The following CORO7 variants were observed in gnomAD, a reference collection of about 807,000 sequenced individuals.
CORO7 encodes coronin 7, also known as coronin-7.
In CORO7, 107 loss-of-function variants were observed where a neutral mutation model predicts 126.6. The ratio of observed to expected loss-of-function variants is 0.85; its 90% CI spans 0.72 to 0.99. The LOEUF is 0.99. CORO7 is among the 50% of genes least tolerant of loss of function. CORO7 has a pLI of 0.00. For synonymous variants in CORO7, 603 were observed against 536.8 expected, an observed-to-expected ratio of 1.12 and a Z score of -1.70; for missense variants, 1,314 against 1,255.8, an observed-to-expected ratio of 1.05 and a Z score of -0.70.
At chr16:4,381,361 G>T (rs761371842) in intron 9 of CORO7, 2 of 1,596,922 alleles carry the variant, frequency 1.3e-6, no homozygotes, top group African/African-American at 2.7e-5. Flanking sequence ...CGAGCTGCGG[G>T]CACTGCCCCC....
At chr16:4,359,059 C>A (rs1024905622) in intron 23 of CORO7, 1 of 571,986 alleles carries the variant, frequency 1.7e-6, no homozygotes, top group Non-Finnish European at 3.0e-6. Context: ...TTCCAGGCCA[C>A]CGTACCCGGC....
chr16:4,372,212 G>A lies in CORO7; in HGVS notation c.786-6667C>T, dbSNP rs570713578. ...CGACAGCCCCGCGGCCGGCCAGGGTGCGCGCCTGAGTGTGCGGTGAGCCCG... is the reference window on the plus strand; with the variant it reads ...CGACAGCCCCGCGGCCGGCCAGGGTACGCGCCTGAGTGTGCGGTGAGCCCG... On this transcript the variant is annotated intron_variant, in intron 9 of 27. Transcript: ENST00000251166. Among the ~76,000 whole-genome samples, 15 of 152,250 alleles carry A rather than the reference G, an allele frequency of 9.9e-5. No individual in the cohort carries two copies. The East Asian group carries it at 2.9e-3, about 29-fold the overall frequency.
At chr16:4,374,588 CCTGGGCCCCGAGCCCGG>C (rs1206498585) in intron 9 of CORO7, among the ~76,000 whole-genome samples, 1 of 152,140 alleles carries the variant, frequency 6.6e-6, no homozygotes, top group Non-Finnish European at 1.5e-5. Context: ...CCCTGCTGGC[CCTGGGCCCCGAGCCCGG>C]CTGGGCATTG....
chr16:4,380,419 G>A (rs2054914556), intron 9 of CORO7, among the ~76,000 whole-genome samples: 1 of 152,278 alleles, frequency 6.6e-6, no homozygotes, highest in South Asian at 2.1e-4. Flanking sequence ...GGCAGCAGGA[G>A]CCGGCGGCCA....
At chr16:4,387,301 C>T (rs965334865) in intron 9 of CORO7, among the ~76,000 whole-genome samples, 6 of 152,088 alleles carry the variant, frequency 3.9e-5, no homozygotes, top group African/African-American at 1.4e-4. Flanking sequence ...AAGGCCATCT[C>T]GGCACACAGC....
chr16:4,395,996 T>TGTGTGTGTGCATGCACACGTGTGTGTGTG (rs55837244), intron 6 of CORO7, among the ~76,000 whole-genome samples: 1 of 151,112 alleles, frequency 6.6e-6, no homozygotes. Flanking sequence ...CATGCACACG[T>TGTGTGTGTGCATGCACACGTGTGTGTGTG]TGTGTGTGTG....
intron 1 of CORO7, among the ~76,000 whole-genome samples, chr16:4,415,311 C>T (rs1596348250): frequency 1.3e-5 from 2 of 152,298 alleles, no homozygotes; most frequent in Admixed American, 1.3e-4. Flanking sequence ...CATTTCTCCA[C>T]CAGGCTCTTT....
At chr16:4,397,763 G>A (rs1230138005) in intron 6 of CORO7, among the ~76,000 whole-genome samples, 5 of 151,940 alleles carry the variant, frequency 3.3e-5, no homozygotes, top group Admixed American at 1.3e-4. Flanking sequence ...ACAGGTGCAC[G>A]CCACCACGCC....
chr16:4,355,893 T>G (rs1015353426), intron 26 of CORO7, among the ~76,000 whole-genome samples: 8 of 152,222 alleles, frequency 5.3e-5, no homozygotes. Context: ...TTCTCCTGCC[T>G]CAGCCTCCCA....
chr16:4,356,086 T>C (rs2053968861), intron 26 of CORO7, among the ~76,000 whole-genome samples: 1 of 152,184 alleles, frequency 6.6e-6, no homozygotes, highest in Non-Finnish European at 1.5e-5. Context: ...CCCAAGTAGC[T>C]GGGATTACAG....
At chr16:4,377,702 C>A (rs970644076) in intron 9 of CORO7, among the ~76,000 whole-genome samples, 1 of 152,174 alleles carries the variant, frequency 6.6e-6, no homozygotes, top group Non-Finnish European at 1.5e-5. Context: ...CCTGGCGGTG[C>A]CCTCAGAGCT....
intron 1 of CORO7, among the ~76,000 whole-genome samples, chr16:4,413,748 G>C (rs2056302285): frequency 6.6e-6 from 1 of 151,630 alleles, no homozygotes; most frequent in South Asian, 2.1e-4. Context: ...ATGTTGGCCA[G>C]GCTGGTCTCG....
chr16:4,402,546 C>T (rs1485967811), intron 6 of CORO7, among the ~76,000 whole-genome samples: 1 of 152,202 alleles, frequency 6.6e-6, no homozygotes, highest in Non-Finnish European at 1.5e-5. Flanking sequence ...CGACCGGCCA[C>T]CCGCCCAGCC....
At chr16:4,377,658 G>A (rs921446868) in intron 9 of CORO7, among the ~76,000 whole-genome samples, 2 of 152,168 alleles carry the variant, frequency 1.3e-5, no homozygotes, top group African/African-American at 4.8e-5. Context: ...GGTTCCTCTC[G>A]GGGCTGGCTG....
chr16:4,369,980 G>T (rs941873959), intron 9 of CORO7, among the ~76,000 whole-genome samples: 1 of 152,190 alleles, frequency 6.6e-6, no homozygotes, highest in African/African-American at 2.4e-5. Context: ...CTTCCCTTGA[G>T]CCTCTGGGTA....
chr16:4,391,108 A>C (rs950164280), intron 7 of CORO7, among the ~76,000 whole-genome samples: 1 of 152,142 alleles, frequency 6.6e-6, no homozygotes. Context: ...CTCCTCATCA[A>C]TGGAGTGATC....
chr16:4,395,181 C>T, intron 7 of CORO7, 108 bp downstream of exon 7: 2 of 1,513,918 alleles, frequency 1.3e-6, no homozygotes, highest in Non-Finnish European at 9.0e-7. Flanking sequence ...TGCTGCAGAA[C>T]ATGTCTGCCA....
intron 6 of CORO7, among the ~76,000 whole-genome samples, chr16:4,396,963 C>A (rs987824459): frequency 7.6e-5 from 11 of 145,668 alleles, no homozygotes; most frequent in Admixed American, 2.1e-4. Context: ...TTGCAGTGAG[C>A]TGAGATTGCA....
At chr16:4,408,498 G>A (rs541990494) in intron 3 of CORO7, among the ~76,000 whole-genome samples, 58 of 152,348 alleles carry the variant, frequency 3.8e-4, no homozygotes, top group African/African-American at 1.1e-3. Context: ...AAATGGGCAG[G>A]AAGCCGCTTG....
Sources: gnomAD v4.1 joint callset for allele counts (sites outside exome capture counted in the v4.1 genomes callset) on GRCh38, gnomAD v4.1.1 for gene constraint, MANE v1.5 for transcripts, NCBI Gene and HGNC (gene_info 2026-07-23, HGNC 2026-07-21) for gene names.